The following CSTPP1 variants were observed in gnomAD, a reference collection of about 807,000 sequenced individuals.
CSTPP1 encodes UPF0705 protein C11orf49.
At chr11:47,049,572 C>G in the CSTPP1 span, among the ~76,000 whole-genome samples, 1 of 151,904 alleles carries the variant, frequency 6.6e-6, no homozygotes, top group Non-Finnish European at 1.5e-5. Flanking sequence ...GCCTGGAGGG[C>G]AGAGGTTGCA....
the CSTPP1 span, among the ~76,000 whole-genome samples, chr11:47,047,873 G>T: frequency 3.3e-5 from 5 of 152,194 alleles, no homozygotes; most frequent in African/African-American, 1.2e-4. Flanking sequence ...TTTCTCCAAA[G>T]AAGATATCCA....
At chr11:46,989,922 T>C in the CSTPP1 span, among the ~76,000 whole-genome samples, 2 of 152,130 alleles carry the variant, frequency 1.3e-5, no homozygotes, top group Non-Finnish European at 2.9e-5. Flanking sequence ...CCTACATTAA[T>C]TCACTTAGGA....
chr11:47,124,056 G>A, the CSTPP1 span, among the ~76,000 whole-genome samples: 6 of 145,224 alleles, frequency 4.1e-5, no homozygotes, highest in Admixed American at 1.4e-4. Flanking sequence ...AAAAGCAACC[G>A]TCACAATTAT....
chr11:47,102,621 GA>G, the CSTPP1 span, among the ~76,000 whole-genome samples: 1 of 152,094 alleles, frequency 6.6e-6, no homozygotes. Flanking sequence ...GGGTGATAAT[GA>G]AAAAAAGACT....
the CSTPP1 span, chr11:46,947,928 C>CT: frequency 0.065 from 19,056 of 292,142 alleles, 222 homozygotes; most frequent in East Asian, 0.2. Context: ...CCCATTGCCA[C>CT]TTTTTTTTTT....
the CSTPP1 span, among the ~76,000 whole-genome samples, chr11:47,133,333 G>C: frequency 6.6e-6 from 1 of 152,190 alleles, no homozygotes; most frequent in South Asian, 2.1e-4. Context: ...TTCTGATTTT[G>C]ATCTTACACC....
At chr11:47,000,897 G>GT in the CSTPP1 span, among the ~76,000 whole-genome samples, 1 of 152,068 alleles carries the variant, frequency 6.6e-6, no homozygotes, top group African/African-American at 2.4e-5. Context: ...TATAAACAGG[G>GT]TATTAGTATT....
At chr11:46,953,449 AT>A in the CSTPP1 span, among the ~76,000 whole-genome samples, 1 of 152,170 alleles carries the variant, frequency 6.6e-6, no homozygotes, top group Non-Finnish European at 1.5e-5. Context: ...TTGATGGAAC[AT>A]TTTTAGAAGT....
the CSTPP1 span, among the ~76,000 whole-genome samples, chr11:47,029,499 C>T: frequency 6.6e-6 from 1 of 151,698 alleles, no homozygotes; most frequent in Non-Finnish European, 1.5e-5. Flanking sequence ...GTCCCAGCTA[C>T]TTAAGAAGCT....
the CSTPP1 span, among the ~76,000 whole-genome samples, chr11:47,045,975 C>T: frequency 6.6e-6 from 1 of 151,508 alleles, no homozygotes; most frequent in Admixed American, 6.6e-5. Context: ...TTAGTAGAGA[C>T]GGGGTTTCAC....
At chr11:47,005,500 G>T in the CSTPP1 span, among the ~76,000 whole-genome samples, 1 of 152,158 alleles carries the variant, frequency 6.6e-6, no homozygotes, top group Non-Finnish European at 1.5e-5. Context: ...ACTGAGAATT[G>T]AGAGTAAGGA....
chr11:47,122,091 A>ATATATATATATATAT, the CSTPP1 span, among the ~76,000 whole-genome samples: 4 of 31,834 alleles, frequency 1.3e-4, no homozygotes, highest in Non-Finnish European at 1.9e-4. Flanking sequence ...AAAAAAAAAA[A>ATATATATATATATAT]ATATATATAT....
At chr11:47,005,193 GT>G in the CSTPP1 span, among the ~76,000 whole-genome samples, 2 of 152,182 alleles carry the variant, frequency 1.3e-5, no homozygotes, top group Non-Finnish European at 2.9e-5. Flanking sequence ...TAAGATAGTG[GT>G]TTTTTTGTTT....
chr11:47,122,669 G>A, the CSTPP1 span, among the ~76,000 whole-genome samples: 7 of 151,940 alleles, frequency 4.6e-5, no homozygotes, highest in African/African-American at 1.5e-4. Flanking sequence ...TGCAACCTCC[G>A]CCTCCCAGGT....
the CSTPP1 span, among the ~76,000 whole-genome samples, chr11:46,941,034 CAG>C: frequency 2.0e-5 from 3 of 152,196 alleles, no homozygotes; most frequent in Non-Finnish European, 4.4e-5. Context: ...CAAACAGAAT[CAG>C]AGTCTCAGGT....
chr11:46,998,163 C>G, the CSTPP1 span, among the ~76,000 whole-genome samples: 1 of 152,190 alleles, frequency 6.6e-6, no homozygotes, highest in Non-Finnish European at 1.5e-5. Flanking sequence ...TGTTCCTATT[C>G]GGCCATCTTG....
chr11:46,949,869 C>T, the CSTPP1 span, among the ~76,000 whole-genome samples: 4 of 152,002 alleles, frequency 2.6e-5, no homozygotes, highest in South Asian at 8.3e-4. Flanking sequence ...ATGGGGGTTT[C>T]GCCATGTTGG....
At chr11:46,943,538 G>T in the CSTPP1 span, among the ~76,000 whole-genome samples, 1 of 152,214 alleles carries the variant, frequency 6.6e-6, no homozygotes, top group Non-Finnish European at 1.5e-5. Flanking sequence ...AATGAGGATG[G>T]ATCAGGGAAT....
the CSTPP1 span, chr11:47,162,169 T>C: frequency 5.1e-6 from 5 of 985,594 alleles, no homozygotes; most frequent in Non-Finnish European, 2.4e-6. Flanking sequence ...TTGCAAAAAC[T>C]GCTTCAAGTC....
Sources: allele counts gnomAD v4.1 joint callset (sites outside exome capture counted in the v4.1 genomes callset), GRCh38; gene constraint gnomAD v4.1.1; transcripts MANE v1.5; gene names NCBI Gene and HGNC (gene_info 2026-07-23, HGNC 2026-07-21).